Variants in DLGAP2 observed in about 807,000 individuals in gnomAD.
DLGAP2 encodes DLG associated protein 2, also known as disks large-associated protein 2.
In DLGAP2, 26 loss-of-function variants were observed where a neutral mutation model predicts 100.3. The observed-to-expected ratio is 0.26, with a 90% CI of 0.19 to 0.36. The LOEUF (loss-of-function observed/expected upper bound fraction) is 0.36, where lower values mean the gene tolerates loss of function less well. DLGAP2 is among the 10% of genes least tolerant of loss of function. The probability of loss-of-function intolerance (pLI) is 1.00; values close to 1 mark genes in which losing one functional copy is unlikely to be tolerated. For synonymous variants in DLGAP2, 886 were observed against 630.1 expected, an observed-to-expected ratio of 1.41 and a Z score of -6.08; for missense variants, 1,858 against 1,453.2, an observed-to-expected ratio of 1.28 and a Z score of -4.53.
chr8:1,332,028 T>C (rs375235501), intron 3 of DLGAP2, among the ~76,000 whole-genome samples: 7 of 152,316 alleles, frequency 4.6e-5, no homozygotes, highest in South Asian at 2.1e-4. Flanking sequence ...CTTCTTTCTT[T>C]TGCTGGTGAA....
chr8:1,266,658 C>T (rs768783456), intron 3 of DLGAP2, among the ~76,000 whole-genome samples: 24 of 152,242 alleles, frequency 1.6e-4, no homozygotes, highest in South Asian at 4.2e-4. Context: ...CACTGACGTA[C>T]GCCTCCGTGG....
intron 8 of DLGAP2, among the ~76,000 whole-genome samples, chr8:1,660,915 A>G (rs1585041066): frequency 6.6e-6 from 1 of 152,320 alleles, no homozygotes; most frequent in Non-Finnish European, 1.5e-5. Context: ...ACCGAAGAAT[A>G]CACGGCACCG....
chr8:1,468,591 G>A (rs548034594), intron 3 of DLGAP2, among the ~76,000 whole-genome samples: 4 of 152,292 alleles, frequency 2.6e-5, no homozygotes, highest in South Asian at 2.1e-4. Flanking sequence ...TCAGGACCCC[G>A]GCATCCCTCC....
chr8:1,383,743 G>C (rs926148552), intron 3 of DLGAP2, among the ~76,000 whole-genome samples: 5 of 152,186 alleles, frequency 3.3e-5, no homozygotes, highest in Non-Finnish European at 7.4e-5. Flanking sequence ...GGCCACGTCA[G>C]AGCCTATATT....
At chr8:1,141,966 T>C (rs539360229) in intron 2 of DLGAP2, among the ~76,000 whole-genome samples, 1 of 152,246 alleles carries the variant, frequency 6.6e-6, no homozygotes, top group South Asian at 2.1e-4. Context: ...AATTTGCAAA[T>C]AAGTAAGCTT....
intron 2 of DLGAP2, among the ~76,000 whole-genome samples, chr8:1,155,845 G>C (rs574104825): frequency 6.6e-6 from 1 of 152,328 alleles, no homozygotes; most frequent in African/African-American, 2.4e-5. Context: ...GGCGAGCGGC[G>C]TGTGTGGAGA....
chr8:1,414,065 C>G (rs545851478), intron 3 of DLGAP2, among the ~76,000 whole-genome samples: 2 of 152,310 alleles, frequency 1.3e-5, no homozygotes, highest in East Asian at 1.9e-4. Context: ...GCTTTTTCCT[C>G]TGCTGTTAGT....
chr8:1,386,901 A>G (rs1484269116), intron 3 of DLGAP2, among the ~76,000 whole-genome samples: 1 of 152,228 alleles, frequency 6.6e-6, no homozygotes, highest in Non-Finnish European at 1.5e-5. Flanking sequence ...ATGCACATTA[A>G]AAAGTAAAGT....
intron 4 of DLGAP2, among the ~76,000 whole-genome samples, chr8:1,505,070 A>G (rs941961496): frequency 3.9e-5 from 6 of 152,370 alleles, no homozygotes; most frequent in Middle Eastern, 6.8e-3. Context: ...CAACACTATC[A>G]TAACAACATT....
intron 1 of DLGAP2, among the ~76,000 whole-genome samples, chr8:830,998 C>T (rs992530898): frequency 1.3e-5 from 2 of 150,792 alleles, no homozygotes; most frequent in Non-Finnish European, 2.9e-5. Flanking sequence ...CGAGTTCAAG[C>T]GATTCTCCTG....
intron 8 of DLGAP2, among the ~76,000 whole-genome samples, chr8:1,634,799 A>G (rs1410635454): frequency 6.6e-6 from 1 of 152,266 alleles, no homozygotes; most frequent in Non-Finnish European, 1.5e-5. Flanking sequence ...GAATAAAAAT[A>G]AAACAGATTT....
intron 3 of DLGAP2, among the ~76,000 whole-genome samples, chr8:1,408,386 C>G (rs1044942051): frequency 6.6e-6 from 1 of 152,190 alleles, no homozygotes; most frequent in Non-Finnish European, 1.5e-5. Flanking sequence ...GTTCCAGGCC[C>G]CAGCTCCAAG....
chr8:940,929 C>T (rs879347099), intron 2 of DLGAP2, among the ~76,000 whole-genome samples: 22 of 152,204 alleles, frequency 1.4e-4, no homozygotes, highest in East Asian at 7.8e-4. Context: ...TCCCCCAGAG[C>T]GGGCGTAGGG....
chr8:1,476,593 C>T (rs952958975), intron 3 of DLGAP2, among the ~76,000 whole-genome samples: 3 of 152,318 alleles, frequency 2.0e-5, no homozygotes, highest in South Asian at 4.1e-4. Context: ...CTGTCCCCAT[C>T]GGTGACATTC....
intron 3 of DLGAP2, among the ~76,000 whole-genome samples, chr8:1,304,471 C>T (rs892339342): frequency 1.3e-5 from 2 of 152,216 alleles, no homozygotes; most frequent in African/African-American, 4.8e-5. Context: ...AAACATTAAA[C>T]ACTTTCAGCA....
At chr8:1,419,343 G>T (rs1241211558) in intron 3 of DLGAP2, among the ~76,000 whole-genome samples, 2 of 115,816 alleles carry the variant, frequency 1.7e-5, no homozygotes, top group African/African-American at 6.6e-5. Flanking sequence ...GTGTGTGTGT[G>T]TGTGTGTGTA....
At chr8:1,477,013 G>A (rs1798952215) in intron 3 of DLGAP2, among the ~76,000 whole-genome samples, 1 of 149,508 alleles carries the variant, frequency 6.7e-6, no homozygotes, top group African/African-American at 2.4e-5. Context: ...CTAAACACCT[G>A]TGAAGACAGG....
intron 1 of DLGAP2, among the ~76,000 whole-genome samples, chr8:873,600 A>G (rs1444039155): frequency 2.6e-5 from 4 of 152,166 alleles, no homozygotes; most frequent in Non-Finnish European, 5.9e-5. Context: ...AGGATTTTTT[A>G]ATCTATATTT....
At chr8:1,126,415 C>G (rs1307680198) in intron 2 of DLGAP2, among the ~76,000 whole-genome samples, 1 of 151,218 alleles carries the variant, frequency 6.6e-6, no homozygotes, top group Non-Finnish European at 1.5e-5. Flanking sequence ...AGAGAAGAGA[C>G]ACAGGCAGAT....
Sources: gnomAD v4.1 joint callset for allele counts (sites outside exome capture counted in the v4.1 genomes callset) on GRCh38, gnomAD v4.1.1 for gene constraint, MANE v1.5 for transcripts, NCBI Gene and HGNC (gene_info 2026-07-23, HGNC 2026-07-21) for gene names.